The following CAPN7 variants were observed in gnomAD, a reference collection of about 807,000 sequenced individuals.
CAPN7 encodes the protein calpain 7, also known as calpain-7.
A neutral mutation model predicts 115.2 loss-of-function variants in CAPN7; 72 were observed. The observed-to-expected ratio is 0.63, with a 90% CI of 0.52 to 0.76. CAPN7 has a LOEUF of 0.76. Ranked by LOEUF, CAPN7 falls within the 30% of genes least tolerant of loss-of-function variation. The pLI is 0.00. For missense variants in CAPN7, 905 were observed against 971.5 expected, an observed-to-expected ratio of 0.93 and a Z score of 0.91; for synonymous variants, 344 against 322.3, an observed-to-expected ratio of 1.07 and a Z score of -0.72.
At chr3:15,217,625 C>G in intron 3 of CAPN7, 43 bp downstream of exon 3, 1 of 1,470,410 alleles carries the variant, frequency 6.8e-7, no homozygotes, top group Admixed American at 2.2e-5. Flanking sequence ...TATGCCAAAC[C>G]ATTTCTTCTC....
At position 15,223,524 on chromosome 3, in the gene CAPN7, G is replaced by A; in HGVS notation, c.688G>A (p.Asp230Asn). 6.2e-7 allele frequency: 1 copy of A among 1,608,024 alleles called. No individual in the cohort carries two copies. Among genetic ancestry groups the A allele is most frequent in the Non-Finnish European group, 8.5e-7 (1 of 1,177,364 alleles). Residue 230 changes from aspartate (D) to asparagine (N), a missense_variant, in exon 6 of 21, where the codon GAC becomes AAC. Asp to Asn is a conservative substitution (Grantham distance 23). This residue lies in a region of CAPN7 where 620 missense variants were observed against 703.4 expected (regional missense o/e 0.88). Transcript: ENST00000253693. ...AGAATATGTTCCTTTCATGAATGTT[G>A]ACCTGAGAGAACGTTTTGCCTATCC... is the stretch of plus-strand genomic sequence containing the variant. ...GIEYVPFMNV[D>N]LRERFAYPMP... is the part of the protein sequence containing the mutation.
chr3:15,224,265 A>ATTTTTTTTTTT (rs113901975), intron 6 of CAPN7, among the ~76,000 whole-genome samples: 5 of 145,202 alleles, frequency 3.4e-5, no homozygotes, highest in Non-Finnish European at 3.0e-5. Flanking sequence ...GATGTCCCAA[A>ATTTTTTTTTTT]TTTTTTTTTT....
chr3:15,206,870 C>T (rs1011462194), intron 1 of CAPN7, among the ~76,000 whole-genome samples: 3 of 152,244 alleles, frequency 2.0e-5, no homozygotes, highest in Non-Finnish European at 4.4e-5. Context: ...CTTTGGGGGG[C>T]AGGTGTTAGA....
intron 16 of CAPN7, among the ~76,000 whole-genome samples, chr3:15,242,465 A>G (rs758469195): frequency 1.3e-5 from 2 of 152,192 alleles, no homozygotes; most frequent in Non-Finnish European, 2.9e-5. Context: ...GGGGATTTCC[A>G]TATTCTCGCA....
intron 19 of CAPN7, among the ~76,000 whole-genome samples, chr3:15,248,513 T>G (rs756985900): frequency 7.9e-5 from 12 of 152,184 alleles, no homozygotes; most frequent in Non-Finnish European, 1.5e-4. Flanking sequence ...AGAGAGTTAT[T>G]ACTATAAAAG....
At position 15,220,797 on chromosome 3, in the gene CAPN7, G is replaced by C; in HGVS notation, c.454G>C (p.Glu152Gln). ...QALDRAEALSEPLTKPVGKIS... is the reference protein window; with the variant it reads ...QALDRAEALSQPLTKPVGKIS... Reference sequence around the variant, plus strand: ...CTGTTATAGAGCAGAAGCGCTGAGTGAGCCTTTGACCAAGCCAGTTGGCAA... The same window carrying C: ...CTGTTATAGAGCAGAAGCGCTGAGTCAGCCTTTGACCAAGCCAGTTGGCAA... Residue 152 changes from glutamate (E) to glutamine (Q), a missense_variant, in exon 5 of 21, where the codon GAG becomes CAG. By Grantham distance (29) the Glu-to-Gln change is conservative. Transcript: ENST00000253693. 1 of 1,614,156 alleles carries C rather than the reference G, an allele frequency of 6.2e-7. No individual in the cohort carries two copies. The highest frequency in any genetic ancestry group is 1.1e-5 in the South Asian group (1 of 91,082).
chr3:15,224,397 T>C (rs1333206275), intron 6 of CAPN7, among the ~76,000 whole-genome samples: 1 of 151,880 alleles, frequency 6.6e-6, no homozygotes, highest in Non-Finnish European at 1.5e-5. Flanking sequence ...CTCAGCCTCT[T>C]GTATAGCTGG....
intron 6 of CAPN7, among the ~76,000 whole-genome samples, chr3:15,224,557 G>A (rs1694198884): frequency 6.6e-6 from 1 of 151,996 alleles, no homozygotes. Context: ...ACAGATGTGA[G>A]CCACTGTGCC....
chr3:15,242,017 A>G (rs1695377877), intron 15 of CAPN7, among the ~76,000 whole-genome samples, 161 bp from the exon 16 acceptor site: 1 of 152,222 alleles, frequency 6.6e-6, no homozygotes, highest in Non-Finnish European at 1.5e-5. Context: ...TAATTCAGAA[A>G]AACAATGTTT....
chr3:15,235,453 C>G (rs17040887), intron 12 of CAPN7, among the ~76,000 whole-genome samples: 17,955 of 151,906 alleles, frequency 0.12, 3,534 homozygotes, highest in African/African-American at 0.41. Context: ...GCTTCTTCTT[C>G]GTGTTTGGAT....
intron 9 of CAPN7, among the ~76,000 whole-genome samples, chr3:15,230,795 A>T (rs184735373): frequency 6.6e-6 from 1 of 152,244 alleles, no homozygotes; most frequent in Non-Finnish European, 1.5e-5. Flanking sequence ...AAGGATTGCT[A>T]ATGCTTAAAA....
intron 2 of CAPN7, among the ~76,000 whole-genome samples, chr3:15,214,861 C>T (rs1005303558): frequency 6.6e-6 from 1 of 152,214 alleles, no homozygotes; most frequent in African/African-American, 2.4e-5. Flanking sequence ...AATTTGCCCC[C>T]CAGGGGACAT....
At chr3:15,229,665 T>A (rs1441101570) in intron 8 of CAPN7, among the ~76,000 whole-genome samples, 1 of 143,172 alleles carries the variant, frequency 7.0e-6, no homozygotes, top group Admixed American at 7.4e-5. Context: ...AACCTCTGCC[T>A]CCTGGGTTCA....
At chr3:15,226,414 C>T (rs1694320040) in intron 6 of CAPN7, among the ~76,000 whole-genome samples, 1 of 152,140 alleles carries the variant, frequency 6.6e-6, no homozygotes, top group South Asian at 2.1e-4. Context: ...AGGGAAAAAA[C>T]CTTGAATTTA....
intron 1 of CAPN7, 114 bp from the exon 2 acceptor site, chr3:15,211,985 ATAATT>A: frequency 4.1e-6 from 2 of 493,006 alleles, no homozygotes; most frequent in Admixed American, 4.0e-5. Context: ...ACTATTAATA[ATAATT>A]TAAAGACATT....
At chr3:15,236,927 C>T (rs1006989268) in intron 12 of CAPN7, among the ~76,000 whole-genome samples, 1 of 152,172 alleles carries the variant, frequency 6.6e-6, no homozygotes, top group Non-Finnish European at 1.5e-5. Flanking sequence ...CATTGCTGTA[C>T]ACTACTGTAG....
chr3:15,234,173 G>A (rs796930867), intron 11 of CAPN7, among the ~76,000 whole-genome samples, 200 bp downstream of exon 11: 21 of 152,164 alleles, frequency 1.4e-4, no homozygotes, highest in African/African-American at 4.3e-4. Context: ...AAAATTAGCC[G>A]GATGTGGTGG....
Position 15,212,105 on chromosome 3 carries a change from A to T in CAPN7, c.104A>T (p.Glu35Val). 1 of 1,586,286 alleles carries T rather than the reference A, an allele frequency of 6.3e-7. No individual in the cohort carries two copies. The highest frequency in any genetic ancestry group is 8.6e-7 in the Non-Finnish European group (1 of 1,166,822). The change falls in exon 2 of 21, where the codon GAA becomes GTA. Residue 35 changes from glutamate to valine, a missense_variant and splice_region_variant. Physicochemically the swap from Glu to Val is moderately radical, Grantham distance 121. This residue lies in a region of CAPN7 where 271 missense variants were observed against 239.6 expected (regional missense o/e 1.13). Coordinates refer to ENST00000253693, the MANE Select transcript of CAPN7 (RefSeq NM_014296.3). ...RYSEAVFYYKEAAQALIYAEM... is the reference protein window; with the variant it reads ...RYSEAVFYYKVAAQALIYAEM... The stretch of plus-strand genomic sequence containing the variant: ...TCCTTTGAATTCTTTCATTTTTAGG[A>T]AGCTGCACAAGCCTTAATTTATGCT...
rs567731454 is a variant in CAPN7 at position 15,241,717 on chromosome 3, A to C, written c.1788+129A>C. ...TGCCCTGAGAATAGTGTTTTCTCAG[A>C]TAAATGAATATTTTCCTCTAAGGAA... is the stretch of plus-strand genomic sequence containing the variant. On this transcript the variant is annotated intron_variant, in intron 15 of 20. Coordinates refer to ENST00000253693, the MANE Select transcript of CAPN7 (RefSeq NM_014296.3). 1.5e-4 allele frequency: 104 copies of C among 687,716 alleles called. 2 individuals carry two copies. The South Asian group carries it at 2.7e-3, about 18-fold the overall frequency. The allele number at this position is 687,716 out of a possible 1,614,324, so 42.6% of individuals were successfully genotyped here.
Sources: allele counts gnomAD v4.1 joint callset (sites outside exome capture counted in the v4.1 genomes callset), GRCh38; gene constraint gnomAD v4.1.1; regional missense constraint gnomAD v4.1.1; transcripts MANE v1.5; gene names NCBI Gene and HGNC (gene_info 2026-07-23, HGNC 2026-07-21).